The following RBFOX3 variants were observed in gnomAD, a reference collection of about 807,000 sequenced individuals.
RBFOX3 encodes the protein RNA binding protein fox-1 homolog 3.
Under a neutral mutation model 48.7 loss-of-function variants are expected in RBFOX3, and 17 were observed. The observed-to-expected ratio is 0.35, with a 90% confidence interval of 0.24 to 0.52. The LOEUF is 0.52. Ranked by LOEUF, RBFOX3 falls within the 20% of genes least tolerant of loss-of-function variation. RBFOX3 has a pLI of 0.94. For synonymous variants in RBFOX3, 212 were observed against 209.5 expected (o/e 1.01, Z -0.10); for missense variants, 382 against 497.5 (o/e 0.77, Z 2.21).
At chr17:79,316,987 T>C (rs9899105) in intron 2 of RBFOX3, among the ~76,000 whole-genome samples, 121,972 of 152,234 alleles carry the variant, frequency 0.8, 49,170 homozygotes, top group African/African-American at 0.89. Flanking sequence ...CAAATGTGCA[T>C]GTGCACGCAC....
intron 3 of RBFOX3, among the ~76,000 whole-genome samples, chr17:79,261,362 T>C (rs1001732162): frequency 1.3e-5 from 2 of 152,208 alleles, no homozygotes; most frequent in Non-Finnish European, 2.9e-5. Context: ...GCACAGGGTC[T>C]CTTTCTTTTT....
chr17:79,292,359 T>C (rs913545464), intron 3 of RBFOX3, among the ~76,000 whole-genome samples: 2 of 151,968 alleles, frequency 1.3e-5, no homozygotes, highest in Non-Finnish European at 2.9e-5. Flanking sequence ...GTGCCTTCCT[T>C]GTCTCCCCAC....
intron 2 of RBFOX3, among the ~76,000 whole-genome samples, chr17:79,408,130 G>A (rs542849137): frequency 1.3e-5 from 2 of 152,294 alleles, no homozygotes; most frequent in African/African-American, 4.8e-5. Context: ...GTGAAGTGGG[G>A]GGAGAAGGAG....
At chr17:79,511,695 C>G (rs886083375) in intron 1 of RBFOX3, among the ~76,000 whole-genome samples, 5 of 150,282 alleles carry the variant, frequency 3.3e-5, no homozygotes, top group Admixed American at 6.6e-5. Context: ...CCATCGGGTA[C>G]AGCCCCATGA....
chr17:79,613,499 A>G (rs2093982772), upstream of RBFOX3, among the ~76,000 whole-genome samples: 1 of 152,124 alleles, frequency 6.6e-6, no homozygotes, highest in South Asian at 2.1e-4. Context: ...AATTTTTAAA[A>G]CCTCTGATTT....
At chr17:79,548,418 C>A (rs1302100579) in intron 1 of RBFOX3, among the ~76,000 whole-genome samples, 1 of 152,250 alleles carries the variant, frequency 6.6e-6, no homozygotes, top group Non-Finnish European at 1.5e-5. Context: ...GTGGGGAGGA[C>A]AGCAGCCCCC....
At chr17:79,163,592 G>C (rs1382035355) in intron 4 of RBFOX3, among the ~76,000 whole-genome samples, 2 of 152,348 alleles carry the variant, frequency 1.3e-5, no homozygotes, top group East Asian at 3.9e-4. Flanking sequence ...CGGGAAGGTT[G>C]TTGCCACCTG....
At chr17:79,187,096 C>G (rs1398508393) in intron 4 of RBFOX3, among the ~76,000 whole-genome samples, 4 of 152,258 alleles carry the variant, frequency 2.6e-5, no homozygotes, top group African/African-American at 7.2e-5. Context: ...CAGGGGAATA[C>G]TAGACTCCAA....
At chr17:79,582,253 C>T (rs1189250645) in intron 1 of RBFOX3, among the ~76,000 whole-genome samples, 2 of 151,634 alleles carry the variant, frequency 1.3e-5, no homozygotes, top group Admixed American at 1.3e-4. Context: ...CATGTATGTG[C>T]CTGTGTATGC....
intron 4 of RBFOX3, among the ~76,000 whole-genome samples, chr17:79,227,986 G>GGCCCT (rs1314361450): frequency 3.9e-5 from 6 of 152,162 alleles, no homozygotes; most frequent in Admixed American, 1.3e-4. Context: ...AGAGACAAGG[G>GGCCCT]GCCCTGCGGT....
In RBFOX3 at chr17:79,404,773, G is replaced by A. The variant is rs187092882; in HGVS notation, c.-175+77681C>T. Reference sequence around the variant, plus strand: ...GGTATGCTCAGACCTCAGCTGCCTGGGCCATTCACCTGTCCATCTCCAGAG... The same window carrying A: ...GGTATGCTCAGACCTCAGCTGCCTGAGCCATTCACCTGTCCATCTCCAGAG... On this transcript the variant is annotated intron_variant, in intron 2 of 14. Coordinates refer to ENST00000693108, the MANE Select transcript of RBFOX3 (RefSeq NM_001350451.2). 4.2e-3 allele frequency among the ~76,000 whole-genome samples: 638 copies of A among 152,226 alleles called. 3 individuals are homozygous for A. The highest frequency in any genetic ancestry group is 6.6e-3 in the Non-Finnish European group (448 of 68,022).
chr17:79,314,046 C>T (rs1469243393), intron 2 of RBFOX3, among the ~76,000 whole-genome samples: 3 of 152,170 alleles, frequency 2.0e-5, no homozygotes, highest in African/African-American at 7.2e-5. Context: ...TGGTCACAGC[C>T]CCCACATGGT....
Position 79,471,759 on chromosome 17 carries a change from A to G in RBFOX3, c.-175+10695T>C, listed in dbSNP as rs2149381566. ...CAGGGCGTGTGCAGAGCCTGGGTGGACGCAGGCAGGTTAGCTATCCCAGCC... is the reference window on the plus strand; with the variant it reads ...CAGGGCGTGTGCAGAGCCTGGGTGGGCGCAGGCAGGTTAGCTATCCCAGCC... On this transcript the variant is annotated intron_variant, in intron 2 of 14. Coordinates refer to ENST00000693108, the MANE Select transcript of RBFOX3 (RefSeq NM_001350451.2). This position sits in a 1 kb window ranked among gnomAD's most constrained non-coding sequence, Gnocchi z 4.0. Among the ~76,000 whole-genome samples the G allele has an allele frequency of 6.6e-6, 1 of 152,258 alleles. No homozygotes were observed. Among genetic ancestry groups the G allele is most frequent in the Middle Eastern group, 3.4e-3 (1 of 294 alleles).
Position 79,252,910 on chromosome 17 carries a change from C to T in RBFOX3, c.-73-17105G>A, listed in dbSNP as rs763498695. 3.3e-5 allele frequency among the ~76,000 whole-genome samples: 5 copies of T among 152,128 alleles called. No individual in the cohort carries two copies. Among genetic ancestry groups the T allele is most frequent in the Admixed American group, 6.5e-5 (1 of 15,272 alleles). ...CAACCCCACCCTTCCCCCTCTATCC[C>T]GCCCGGCAAGCCCCAGCCCCCTAAA... On this transcript the variant is annotated intron_variant, in intron 3 of 14. Transcript: ENST00000693108. The surrounding 1 kb of genome is among the most constrained non-coding windows in gnomAD (Gnocchi z 4.0).
At chr17:79,463,717 C>CACCATT (rs2075900068) in intron 2 of RBFOX3, among the ~76,000 whole-genome samples, 1 of 145,494 alleles carries the variant, frequency 6.9e-6, no homozygotes, top group African/African-American at 2.5e-5. Flanking sequence ...CCACCTCCAC[C>CACCATT]GCCACTGCCA....
In RBFOX3 at chr17:79,130,693, G is replaced by A. The variant is rs1284303360; in HGVS notation, c.-33-14945C>T. Among the ~76,000 whole-genome samples the A allele has an allele frequency of 3.3e-5, 5 of 152,222 alleles. No individual in the cohort carries two copies. The South Asian group carries it at 8.3e-4, about 25-fold the overall frequency. On this transcript the variant is annotated intron_variant, in intron 4 of 14. Transcript: ENST00000693108. ...GCATGCAGCCTGCTCTCCAGGCCCC[G>A]GTGGGGACAAGCCTGGGTCTCACAG...
At chr17:79,309,367 G>A (rs535003242) in intron 2 of RBFOX3, among the ~76,000 whole-genome samples, 34 of 151,888 alleles carry the variant, frequency 2.2e-4, no homozygotes, top group East Asian at 1.2e-3. Flanking sequence ...CTCTGGCCCC[G>A]TGGGCACTGC....
intron 2 of RBFOX3, among the ~76,000 whole-genome samples, chr17:79,346,898 G>A (rs1279975963): frequency 6.6e-6 from 1 of 152,168 alleles, no homozygotes; most frequent in Non-Finnish European, 1.5e-5. Flanking sequence ...TAAAAACTGA[G>A]TTAAACTTAT....
chr17:79,608,438 G>A lies in RBFOX3; in HGVS notation c.-320+2388C>T, dbSNP rs2093886963. 2.0e-5 allele frequency among the ~76,000 whole-genome samples: 3 copies of A among 152,322 alleles called. No homozygotes were observed. In the South Asian group the frequency reaches 6.2e-4, roughly 32 times the overall value. On this transcript the variant is annotated intron_variant, in intron 1 of 14. Transcript: ENST00000693108. ...TCTAGGCCCCAGGCCCCTGAGGAAG[G>A]TGGATCAAAGCAATCACCCAGGTTC... is the stretch of plus-strand genomic sequence containing the variant.
Sources: gnomAD v4.1 joint callset for allele counts (sites outside exome capture counted in the v4.1 genomes callset) on GRCh38, gnomAD v4.1.1 for gene constraint, Gnocchi (gnomAD v3.1) non-coding constraint, MANE v1.5 for transcripts, NCBI Gene and HGNC (gene_info 2026-07-23, HGNC 2026-07-21) for gene names.